Variants in TOGARAM2 observed in about 807,000 individuals in gnomAD.
TOGARAM2 encodes the protein TOG array regulator of axonemal microtubules 2, also known as TOG array regulator of axonemal microtubules protein 2.
TOGARAM2 carries 85 observed loss-of-function variants against 93.3 expected under a neutral mutation model. That is an observed-to-expected ratio of 0.91 (90% CI 0.76 to 1.09). TOGARAM2 has a LOEUF of 1.09. Among genes scored for constraint, TOGARAM2 ranks in the 50% least tolerant of loss-of-function variants. The pLI is 0.00. For missense variants in TOGARAM2, 1,277 were observed against 1,334.5 expected, an observed-to-expected ratio of 0.96 and a Z score of 0.67; for synonymous variants, 593 against 552.8, an observed-to-expected ratio of 1.07 and a Z score of -1.02.
intron 6 of TOGARAM2, among the ~76,000 whole-genome samples, chr2:29,006,139 G>C (rs1394480042): frequency 2.8e-5 from 4 of 142,736 alleles, no homozygotes; most frequent in Non-Finnish European, 6.1e-5. Flanking sequence ...GTGTGTGAGA[G>C]CATGCATGTG....
intron 14 of TOGARAM2, among the ~76,000 whole-genome samples, chr2:29,030,372 A>T (rs1425119788): frequency 6.6e-6 from 1 of 152,200 alleles, no homozygotes; most frequent in Non-Finnish European, 1.5e-5. Flanking sequence ...GAAGAATGGG[A>T]TGAAATGTCT....
At position 28,963,002 on chromosome 2, in the gene TOGARAM2, G is replaced by GT. The variant is rs548479809; in HGVS notation, c.-147+6311dup. Among the ~76,000 whole-genome samples the GT allele has an allele frequency of 3.3e-5, 5 of 151,020 alleles. No homozygotes were observed. The South Asian group carries it at 6.3e-4, about 19-fold the overall frequency. Reference sequence around the variant, plus strand: ...CACACCTGGCTAATTTTTAAATTTTGTTTTTTGTAGAGTTGGGGTCTCCCT... The same window carrying GT: ...CACACCTGGCTAATTTTTAAATTTTGTTTTTTTGTAGAGTTGGGGTCTCCCT... On this transcript the variant is annotated intron_variant, in intron 1 of 6. Coordinates refer to the TOGARAM2 transcript ENST00000401723.
intron 2 of TOGARAM2, among the ~76,000 whole-genome samples, chr2:28,996,103 T>C (rs1343509940): frequency 2.0e-5 from 3 of 152,224 alleles, no homozygotes; most frequent in Non-Finnish European, 4.4e-5. Flanking sequence ...AGGGCTTCTC[T>C]TTCTCTTTTA....
intron 19 of TOGARAM2, chr2:29,048,139 T>G (rs2148401318): frequency 6.6e-6 from 1 of 152,236 alleles, no homozygotes; most frequent in South Asian, 2.1e-4. Context: ...AAGACAGAAT[T>G]TGTGCAGGAA....
intron 1 of TOGARAM2, among the ~76,000 whole-genome samples, chr2:28,989,729 G>A (rs140887507): frequency 9.2e-4 from 140 of 151,970 alleles, no homozygotes; most frequent in African/African-American, 3.3e-3. Flanking sequence ...ATAGAGACGA[G>A]GTTTTACTAT....
Position 29,024,190 on chromosome 2 carries a change from G to A in TOGARAM2, c.1669G>A (p.Asp557Asn). ...TCACCTGGCCATCAGCACCTTGGGAGACCTCTTCCAGGCCTTGAAGAAGAA... is the reference window on the plus strand; with the variant it reads ...TCACCTGGCCATCAGCACCTTGGGAAACCTCTTCCAGGCCTTGAAGAAGAA... ...VSHLAISTLGDLFQALKKNMD... is the reference protein window; with the variant it reads ...VSHLAISTLGNLFQALKKNMD... Residue 557 changes from aspartate to asparagine, a missense_variant, in exon 13 of 20, where the codon GAC becomes AAC. Coordinates refer to ENST00000379558, the MANE Select transcript of TOGARAM2 (RefSeq NM_199280.4). 2 of 1,602,870 alleles carry A rather than the reference G, an allele frequency of 1.2e-6. No homozygotes were observed. Among genetic ancestry groups the A allele is most frequent in the Non-Finnish European group, 1.7e-6 (2 of 1,174,586 alleles).
rs757979747 is a variant in TOGARAM2, at chr2:29,023,211, G to A, written c.1617+20G>A. 4 of 1,560,984 alleles carry A rather than the reference G, an allele frequency of 2.6e-6. No homozygotes were observed. In the South Asian group the frequency reaches 3.5e-5, roughly 14 times the overall value. ...GGGGAGGTGAGGCCCCCCAGCCTGT[G>A]TGCTGTGCATTTGGCCCCACTGCAG... is the stretch of plus-strand genomic sequence containing the variant. On this transcript the variant is annotated intron_variant, in intron 12 of 19. Coordinates refer to ENST00000379558, the MANE Select transcript of TOGARAM2 (RefSeq NM_199280.4).
chr2:29,039,288 G>C (rs1437555536), intron 18 of TOGARAM2, among the ~76,000 whole-genome samples: 1 of 152,140 alleles, frequency 6.6e-6, no homozygotes, highest in Admixed American at 6.5e-5. Context: ...AAGAAATTCT[G>C]GGCTCCAGGC....
At chr2:29,020,743 G>A (rs964309342) in intron 10 of TOGARAM2, among the ~76,000 whole-genome samples, 1 of 152,202 alleles carries the variant, frequency 6.6e-6, no homozygotes, top group African/African-American at 2.4e-5. Flanking sequence ...GTTGCAGACA[G>A]CATGTCATTC....
rs149236438 is a variant in TOGARAM2 at position 29,005,412 on chromosome 2, CGT to C, written c.830+1736_830+1737del. ...TGCATGTATGTGGAGTGTGTGTGTGCGTGTGTGAGAGCATGCATGTGCGTGAG... is the reference window on the plus strand; with the variant it reads ...TGCATGTATGTGGAGTGTGTGTGTGCGTGTGAGAGCATGCATGTGCGTGAG... On this transcript the variant is annotated intron_variant, in intron 6 of 19. Coordinates refer to ENST00000379558, the MANE Select transcript of TOGARAM2 (RefSeq NM_199280.4). 5.7e-5 allele frequency among the ~76,000 whole-genome samples: 8 copies of C among 140,724 alleles called. No homozygotes were observed. The South Asian group carries it at 9.1e-4, about 16-fold the overall frequency. The allele number at this position is 140,724 out of a possible 152,430, so 92.3% of individuals were successfully genotyped here. A position where few individuals can be genotyped will look rare whatever the true frequency, so the allele number is the denominator to read the frequency against.
chr2:28,974,246 G>A (rs1266765710), intron 1 of TOGARAM2, among the ~76,000 whole-genome samples: 1 of 150,626 alleles, frequency 6.6e-6, no homozygotes, highest in Non-Finnish European at 1.5e-5. Flanking sequence ...TCCTGCCTCA[G>A]CCTCCTGAGT....
intron 18 of TOGARAM2, among the ~76,000 whole-genome samples, chr2:29,039,277 T>C (rs1452844264): frequency 3.3e-5 from 5 of 152,164 alleles, no homozygotes; most frequent in South Asian, 4.1e-4. Flanking sequence ...TCATGCTCCA[T>C]AAGAAATTCT....
chr2:29,033,548 T>C lies in TOGARAM2; in HGVS notation c.2210T>C (p.Leu737Pro). 1 of 1,613,544 alleles carries C rather than the reference T, an allele frequency of 6.2e-7. No homozygotes were observed. The highest frequency in any genetic ancestry group is 8.5e-7 in the Non-Finnish European group (1 of 1,179,732). The change falls in exon 16 of 20, where the codon CTG (leucine) becomes CCG (proline). Residue 737 changes from leucine to proline, a missense_variant. Leu to Pro is a moderately conservative substitution (Grantham distance 98). Transcript: ENST00000379558. ...AGTCTGGTGGTGTGTGAGAACGGGC[T>C]GCCCATCAAGGAGGGGTATGGCTGC... ...LRSLVVCENG[L>P]PIKEGLSCNG...
rs1388537804 is a variant in TOGARAM2, at chr2:29,033,469, G to GGAATAGAA, written c.2134_2141dup (p.Asp714GlufsTer2). The GGAATAGAA allele has an allele frequency of 6.2e-7, 1 of 1,612,256 alleles. No homozygotes were observed. Among genetic ancestry groups the GGAATAGAA allele is most frequent in the East Asian group, 2.2e-5 (1 of 44,854 alleles). ...CATGCTCTGTGTGTATTTTTTCAAG[G>GGAATAGAA]GAATAGAAGATAATGATGAACTTCC... is the stretch of plus-strand genomic sequence containing the variant. On this transcript the variant is annotated frameshift_variant and splice_region_variant, in exon 16 of 20. Coordinates refer to ENST00000379558, the MANE Select transcript of TOGARAM2 (RefSeq NM_199280.4). LOFTEE classifies it high-confidence loss of function.
intron 11 of TOGARAM2, 37 bp downstream of exon 11, chr2:29,022,345 C>T (rs368745095): frequency 7.8e-5 from 125 of 1,609,176 alleles, no homozygotes; most frequent in Admixed American, 1.0e-4. Context: ...GTGTTCTGGC[C>T]GGAAGCAGGG....
intron 10 of TOGARAM2, 24 bp downstream of exon 10, chr2:29,017,980 A>C: frequency 6.4e-7 from 1 of 1,570,530 alleles, no homozygotes; most frequent in South Asian, 1.2e-5. Flanking sequence ...ACTGGCAGGC[A>C]CACGTGTCCC....
chr2:28,974,001 C>G (rs1267238910), intron 1 of TOGARAM2, among the ~76,000 whole-genome samples: 1 of 152,042 alleles, frequency 6.6e-6, no homozygotes, highest in Non-Finnish European at 1.5e-5. Flanking sequence ...GTTGTCCATG[C>G]TTTCTGATGA....
intron 18 of TOGARAM2, among the ~76,000 whole-genome samples, chr2:29,041,208 G>C (rs1343875808): frequency 6.6e-6 from 1 of 152,080 alleles, no homozygotes; most frequent in African/African-American, 2.4e-5. Flanking sequence ...TCTTTTAGTA[G>C]AGATGGGGTT....
chr2:29,022,071 C>T, intron 10 of TOGARAM2, 87 bp from the exon 11 acceptor site: 1 of 1,575,042 alleles, frequency 6.3e-7, no homozygotes, highest in East Asian at 2.2e-5. Flanking sequence ...GGCACGGCCT[C>T]CCATGGTGAG....
Sources: gnomAD v4.1 joint callset for allele counts (sites outside exome capture counted in the v4.1 genomes callset) on GRCh38, gnomAD v4.1.1 for gene constraint, MANE v1.5 for transcripts, NCBI Gene and HGNC (gene_info 2026-07-23, HGNC 2026-07-21) for gene names.